The following L3MBTL3 variants were observed in gnomAD, a reference collection of about 807,000 sequenced individuals.
L3MBTL3 encodes lethal(3)malignant brain tumor-like protein 3.
In L3MBTL3, 27 loss-of-function variants were observed where a neutral mutation model predicts 102.3. The ratio of observed to expected loss-of-function variants is 0.26; its 90% CI spans 0.19 to 0.36. The LOEUF is 0.36. Among genes scored for constraint, L3MBTL3 ranks in the 10% least tolerant of loss-of-function variants. The probability of loss-of-function intolerance (pLI) is 1.00; values close to 1 mark genes in which losing one functional copy is unlikely to be tolerated. For synonymous variants in L3MBTL3, 340 were observed against 320.9 expected (o/e 1.06, Z -0.64); for missense variants, 798 against 955.3 (o/e 0.84, Z 2.17).
At chr6:130,055,700 T>TTC (rs371510182) in intron 8 of L3MBTL3, among the ~76,000 whole-genome samples, 181 of 132,242 alleles carry the variant, frequency 1.4e-3, no homozygotes, top group African/African-American at 3.9e-3. Flanking sequence ...CCCTCTCTCT[T>TTC]TCTCTCTCTC....
chr6:130,027,557 A>T (rs373148934), intron 2 of L3MBTL3, among the ~76,000 whole-genome samples: 1 of 152,172 alleles, frequency 6.6e-6, no homozygotes, highest in Non-Finnish European at 1.5e-5. Flanking sequence ...TGTTCAGTCT[A>T]TTGATAAGGA....
intron 15 of L3MBTL3, among the ~76,000 whole-genome samples, chr6:130,084,221 A>G (rs920358272): frequency 6.6e-6 from 1 of 152,196 alleles, no homozygotes; most frequent in Admixed American, 6.5e-5. Context: ...CATATAAAGT[A>G]TTAAGATTCA....
intron 19 of L3MBTL3, among the ~76,000 whole-genome samples, chr6:130,120,422 C>T (rs1786068342): frequency 6.6e-6 from 1 of 152,116 alleles, no homozygotes; most frequent in African/African-American, 2.4e-5. Flanking sequence ...GAAAAGCTTC[C>T]TAGAATTGGG....
intron 17 of L3MBTL3, 37 bp from the exon 18 acceptor site, chr6:130,094,228 A>G (rs377161893): frequency 2.0e-5 from 31 of 1,514,828 alleles, no homozygotes; most frequent in Non-Finnish European, 2.7e-5. Context: ...TTTGCTTAAT[A>G]TTTTGCCCCT....
chr6:130,126,078 T>C (rs1330243690), intron 20 of L3MBTL3, among the ~76,000 whole-genome samples: 1 of 151,134 alleles, frequency 6.6e-6, no homozygotes, highest in Non-Finnish European at 1.5e-5. Context: ...CCTCCCTCGC[T>C]CCCTCCCTCC....
chr6:130,093,390 A>G (rs149175686), intron 17 of L3MBTL3, among the ~76,000 whole-genome samples: 254 of 152,328 alleles, frequency 1.7e-3, no homozygotes, highest in African/African-American at 5.7e-3. Flanking sequence ...TGTATACATT[A>G]TACAAAACAA....
Position 130,133,790 on chromosome 6 carries a change from T to C in L3MBTL3, c.2137-53T>C. The C allele has an allele frequency of 6.5e-7, 1 of 1,527,742 alleles. No individual in the cohort carries two copies. Among genetic ancestry groups the C allele is most frequent in the Non-Finnish European group, 9.1e-7 (1 of 1,102,142 alleles). 94.6% of individuals were successfully genotyped at this position (1,527,742 alleles called of 1,614,324 possible). ...GGTTAAATGTTTTGAACCTGTAGCA[T>C]TTAGATTCTGACTGTGTTTTTTAAC... On this transcript the variant is annotated intron_variant, in intron 21 of 22. Coordinates refer to ENST00000361794, the MANE Select transcript of L3MBTL3 (RefSeq NM_032438.4). This position sits in a 1 kb window ranked among gnomAD's most constrained non-coding sequence, Gnocchi z 4.9.
chr6:130,109,077 G>A (rs749354176), intron 19 of L3MBTL3, among the ~76,000 whole-genome samples: 1 of 152,158 alleles, frequency 6.6e-6, no homozygotes, highest in Non-Finnish European at 1.5e-5. Flanking sequence ...TGGTGTATGT[G>A]TGTCACATTT....
At chr6:130,107,163 G>T (rs6569655) in intron 19 of L3MBTL3, among the ~76,000 whole-genome samples, 6,205 of 152,162 alleles carry the variant, frequency 0.041, 421 homozygotes, top group African/African-American at 0.14. Flanking sequence ...TTTTCTTAAG[G>T]GTTCAGAGGT....
At chr6:130,051,197 A>C in intron 5 of L3MBTL3, 52 bp from the exon 6 acceptor site, 1 of 1,465,342 alleles carries the variant, frequency 6.8e-7, no homozygotes, top group Non-Finnish European at 9.4e-7. Flanking sequence ...ATTGTATTTT[A>C]GAATGTCTTC....
intron 18 of L3MBTL3, among the ~76,000 whole-genome samples, chr6:130,101,065 A>T (rs573527125): frequency 6.6e-6 from 1 of 152,374 alleles, no homozygotes; most frequent in South Asian, 2.1e-4. Flanking sequence ...AAACTAAAAA[A>T]GTCCTTAAAT....
intron 20 of L3MBTL3, among the ~76,000 whole-genome samples, chr6:130,122,387 TATAA>T (rs1400874418): frequency 6.6e-6 from 1 of 152,222 alleles, no homozygotes; most frequent in African/African-American, 2.4e-5. Flanking sequence ...GTACAAAGCC[TATAA>T]ATGGTCAGAG....
chr6:130,085,705 T>A (rs943306137), intron 15 of L3MBTL3, among the ~76,000 whole-genome samples: 2 of 152,204 alleles, frequency 1.3e-5, no homozygotes, highest in Non-Finnish European at 2.9e-5. Flanking sequence ...CCATTTAAAA[T>A]TTTTCTGTCT....
intron 17 of L3MBTL3, 93 bp from the exon 18 acceptor site, chr6:130,094,172 C>A: frequency 2.2e-6 from 2 of 910,896 alleles, no homozygotes; most frequent in South Asian, 2.1e-5. Context: ...TTTAGGGAGT[C>A]TTTTTCTTCC....
At chr6:130,020,394 G>A (rs191667240) in intron 1 of L3MBTL3, 2,233 of 152,114 alleles carry the variant, frequency 0.015, 28 homozygotes, top group Non-Finnish European at 0.022. Context: ...GGCACGGGCG[G>A]GGGGAGGGCG....
chr6:130,061,533 C>A (rs1345466025), intron 10 of L3MBTL3, among the ~76,000 whole-genome samples: 1 of 152,174 alleles, frequency 6.6e-6, no homozygotes, highest in East Asian at 1.9e-4. Flanking sequence ...TAACTGGATT[C>A]TCTTACTCAT....
At chr6:130,131,769 A>G (rs1787068013) in intron 20 of L3MBTL3, among the ~76,000 whole-genome samples, 1 of 152,196 alleles carries the variant, frequency 6.6e-6, no homozygotes, top group Non-Finnish European at 1.5e-5. Flanking sequence ...TGATGTTGAC[A>G]TGACAATTGT....
At position 130,049,945 on chromosome 6, in the gene L3MBTL3, A is replaced by T. The variant is rs559184426; in HGVS notation, c.289+115A>T. Reference sequence around the variant, plus strand: ...ATTTCAGTTGACAATAGCACCATCCACCCAGTGGACAAGCAAGAAACACAG... The same window carrying T: ...ATTTCAGTTGACAATAGCACCATCCTCCCAGTGGACAAGCAAGAAACACAG... On this transcript the variant is annotated intron_variant, in intron 5 of 22. Coordinates refer to ENST00000361794, the MANE Select transcript of L3MBTL3 (RefSeq NM_032438.4). The T allele has an allele frequency of 1.2e-5, 15 of 1,290,094 alleles. No homozygotes were observed. The East Asian group carries it at 3.7e-4, about 32-fold the overall frequency. The allele number at this position is 1,290,094 out of a possible 1,614,324, so 79.9% of individuals were successfully genotyped here. A position where few individuals can be genotyped will look rare whatever the true frequency, so the allele number is the denominator to read the frequency against.
intron 13 of L3MBTL3, among the ~76,000 whole-genome samples, chr6:130,074,093 A>T (rs760080654): frequency 2.0e-4 from 31 of 152,166 alleles, no homozygotes; most frequent in Non-Finnish European, 2.9e-4. Flanking sequence ...TATGTAATTG[A>T]GGTTACAGAT....
Sources: gnomAD v4.1 joint callset for allele counts (sites outside exome capture counted in the v4.1 genomes callset) on GRCh38, gnomAD v4.1.1 for gene constraint, Gnocchi (gnomAD v3.1) non-coding constraint, MANE v1.5 for transcripts, NCBI Gene and HGNC (gene_info 2026-07-23, HGNC 2026-07-21) for gene names.